P4HTM: variants seen among roughly 807,000 people sequenced by gnomAD.
The protein encoded by P4HTM is transmembrane prolyl 4-hydroxylase.
Under a neutral mutation model 55.3 loss-of-function variants are expected in P4HTM, and 33 were observed. The ratio of observed to expected loss-of-function variants is 0.60; its 90% CI spans 0.45 to 0.80. The LOEUF is 0.80. P4HTM is among the 30% of genes least tolerant of loss of function. The probability of loss-of-function intolerance (pLI) is 0.00; values close to 1 mark genes in which losing one functional copy is unlikely to be tolerated. For synonymous variants in P4HTM, 272 were observed against 286.4 expected (o/e 0.95, Z 0.51); for missense variants, 542 against 696.5 (o/e 0.78, Z 2.50).
At position 49,002,476 on chromosome 3, in the gene P4HTM, C is replaced by A; in HGVS notation, c.628-24C>A. 2 of 1,553,114 alleles carry A rather than the reference C, an allele frequency of 1.3e-6. No individual in the cohort carries two copies. Among genetic ancestry groups the A allele is most frequent in the Non-Finnish European group, 1.8e-6 (2 of 1,124,610 alleles). ...GGCTCTCCATCACTGGGGTCACCCACTGAGGGACCCTCTTATGCTTTAGGT... is the reference window on the plus strand; with the variant it reads ...GGCTCTCCATCACTGGGGTCACCCAATGAGGGACCCTCTTATGCTTTAGGT... On this transcript the variant is annotated intron_variant, in intron 3 of 8. Coordinates refer to ENST00000383729, the MANE Select transcript of P4HTM (RefSeq NM_177939.3). This position sits in a 1 kb window ranked among gnomAD's most constrained non-coding sequence, Gnocchi z 4.4.
intron 2 of P4HTM, among the ~76,000 whole-genome samples, chr3:49,000,839 GGA>G (rs2092958902): frequency 6.6e-6 from 1 of 152,166 alleles, no homozygotes; most frequent in African/African-American, 2.4e-5. Flanking sequence ...AGGACACCTG[GGA>G]CATCTTTTCA....
chr3:49,000,515 A>G (rs1056157674), intron 2 of P4HTM, among the ~76,000 whole-genome samples: 22 of 152,222 alleles, frequency 1.4e-4, no homozygotes, highest in Non-Finnish European at 7.3e-5. Context: ...CGCAGGTAGC[A>G]GTGCTGCCCT....
intron 4 of P4HTM, chr3:49,003,847 C>T: frequency 2.2e-6 from 1 of 458,326 alleles, no homozygotes. Context: ...GGGTGGGCCT[C>T]TTTCTTCTTA....
intron 2 of P4HTM, among the ~76,000 whole-genome samples, chr3:48,993,892 GA>G (rs941786599): frequency 6.8e-6 from 1 of 146,734 alleles, no homozygotes; most frequent in African/African-American, 2.5e-5. Context: ...CATAGAATGA[GA>G]AACCCAGATC....
chr3:49,006,637 C>A, intron 8 of P4HTM, 50 bp from the exon 9 acceptor site: 1 of 1,544,984 alleles, frequency 6.5e-7, no homozygotes, highest in Non-Finnish European at 8.9e-7. Context: ...CCTATGAGGC[C>A]AAGCTCTGGC....
intron 2 of P4HTM, among the ~76,000 whole-genome samples, chr3:48,996,882 A>G (rs1194541205): frequency 6.6e-6 from 1 of 152,198 alleles, no homozygotes; most frequent in African/African-American, 2.4e-5. Context: ...GCATGTGGGC[A>G]GTAGTAGCAG....
chr3:49,004,306 G>A (rs1420659491), intron 5 of P4HTM, 46 bp downstream of exon 5: 5 of 1,501,004 alleles, frequency 3.3e-6, no homozygotes, highest in Non-Finnish European at 4.5e-6. Context: ...GAGAAGACTG[G>A]GCAGGGCCTC....
intron 2 of P4HTM, among the ~76,000 whole-genome samples, chr3:48,993,776 TG>T (rs2092937706): frequency 6.8e-6 from 1 of 147,452 alleles, no homozygotes; most frequent in Non-Finnish European, 1.5e-5. Flanking sequence ...GCAGGAGAAT[TG>T]CTTGAACCCG....
intron 7 of P4HTM, 72 bp downstream of exon 7, chr3:49,005,939 G>A: frequency 6.5e-7 from 1 of 1,538,098 alleles, no homozygotes; most frequent in South Asian, 1.2e-5. Context: ...CACCTCTCCA[G>A]GTCTAAGGAT....
chr3:48,990,333 C>T lies in P4HTM; in HGVS notation c.77C>T (p.Pro26Leu). Residue 26 changes from proline to leucine, a missense_variant, in exon 1 of 9, where the codon CCG (proline) becomes CTG (leucine). By Grantham distance (98) the Pro-to-Leu change is moderately conservative (BLOSUM62 -3). Transcript: ENST00000383729. The surrounding 1 kb of genome is among the most constrained non-coding windows in gnomAD (Gnocchi z 7.2). ...AEEASRPQWA[P>L]PDHCQAQAAA... Reference sequence around the variant, plus strand: ...GAGGCCTCGAGGCCGCAGTGGGCGCCGCCAGACCACTGCCAGGCTCAGGCG... The same window carrying T: ...GAGGCCTCGAGGCCGCAGTGGGCGCTGCCAGACCACTGCCAGGCTCAGGCG... The T allele has an allele frequency of 6.7e-7, 1 of 1,498,510 alleles. No individual in the cohort carries two copies. The highest frequency in any genetic ancestry group is 8.8e-7 in the Non-Finnish European group (1 of 1,130,280). 92.8% of individuals were successfully genotyped at this position (1,498,510 alleles called of 1,614,324 possible). A position where few individuals can be genotyped will look rare whatever the true frequency, so the allele number is the denominator to read the frequency against.
At chr3:49,005,251 G>T in intron 6 of P4HTM, 7 of 1,508,568 alleles carry the variant, frequency 4.6e-6, no homozygotes, top group Non-Finnish European at 6.2e-6. Flanking sequence ...CGTGACCACT[G>T]GAGTCAACAC....
chr3:48,994,893 G>A (rs181768977), intron 2 of P4HTM, among the ~76,000 whole-genome samples: 5 of 152,098 alleles, frequency 3.3e-5, no homozygotes, highest in East Asian at 1.9e-4. Flanking sequence ...TCCGCCTCCC[G>A]GGTTCAAGTG....
At chr3:48,995,215 A>G (rs1246891343) in intron 2 of P4HTM, among the ~76,000 whole-genome samples, 2 of 151,538 alleles carry the variant, frequency 1.3e-5, no homozygotes, top group Admixed American at 6.6e-5. Flanking sequence ...CCCCGACTCC[A>G]TTTACTCCCT....
At chr3:49,005,534 C>T in intron 6 of P4HTM, 1 of 1,357,016 alleles carries the variant, frequency 7.4e-7, no homozygotes, top group Non-Finnish European at 9.4e-7. Flanking sequence ...TGCTCAGGGC[C>T]ATGGCATTTA....
chr3:49,004,290 C>A, intron 5 of P4HTM, 30 bp downstream of exon 5: 1 of 1,528,732 alleles, frequency 6.5e-7, no homozygotes, highest in African/African-American at 1.4e-5. Flanking sequence ...CTCACTGGAG[C>A]AGGGGGAGAA....
intron 3 of P4HTM, 70 bp downstream of exon 3, chr3:49,001,698 A>C: frequency 7.3e-7 from 1 of 1,378,668 alleles, no homozygotes; most frequent in South Asian, 1.3e-5. Context: ...TGGCCAGGTC[A>C]CTTGTCCAGC....
In P4HTM at chr3:48,990,286, G is replaced by T; in HGVS notation, c.30G>T (p.Arg10=). 1.5e-6 allele frequency: 2 copies of T among 1,317,006 alleles called. No individual in the cohort carries two copies. Among genetic ancestry groups the T allele is most frequent in the Non-Finnish European group, 1.9e-6 (2 of 1,037,838 alleles). The allele number at this position is 1,317,006 out of a possible 1,614,324, so 81.6% of individuals were successfully genotyped here. A position where few individuals can be genotyped will look rare whatever the true frequency, so the allele number is the denominator to read the frequency against. The change falls in exon 1 of 9, where the codon CGG becomes CGT. Residue 10 remains arginine, a synonymous_variant. Transcript: ENST00000383729. The surrounding 1 kb of genome is among the most constrained non-coding windows in gnomAD (Gnocchi z 7.2). ...CGGCAGCGGCGGTGACAGGCCAGCGGCCTGAGACCGCGGCGGCCGAGGAGG... is the reference window on the plus strand; with the variant it reads ...CGGCAGCGGCGGTGACAGGCCAGCGTCCTGAGACCGCGGCGGCCGAGGAGG... The part of the protein sequence containing the change: MAAAAVTGQ[R]PETAAAEEAS...
At position 49,005,820 on chromosome 3, in the gene P4HTM, G is replaced by A; in HGVS notation, c.1117G>A (p.Gly373Ser). 1 of 1,585,446 alleles carries A rather than the reference G, an allele frequency of 6.3e-7. No individual in the cohort carries two copies. The highest frequency in any genetic ancestry group is 8.6e-7 in the Non-Finnish European group (1 of 1,167,026). Residue 373 changes from glycine (G) to serine (S), a missense_variant, in exon 7 of 9, where the codon GGC becomes AGC. Gly to Ser is a moderately conservative substitution (Grantham distance 56). Transcript: ENST00000383729. Reference protein sequence around the residue: ...LFYLNNVTGGGETVFPVADNR... With the variant: ...LFYLNNVTGGSETVFPVADNR... ...TTATTTGAACAACGTCACTGGTGGG[G>A]GCGAGACTGTTTTCCCTGTAGCAGA... is the stretch of plus-strand genomic sequence containing the variant.
chr3:48,993,121 A>G (rs1002956869), intron 2 of P4HTM, among the ~76,000 whole-genome samples: 5 of 152,012 alleles, frequency 3.3e-5, no homozygotes, highest in Admixed American at 6.5e-5. Flanking sequence ...CCTGACCAAC[A>G]TGGGGGAACC....
Sources: gnomAD v4.1 joint callset for allele counts (sites outside exome capture counted in the v4.1 genomes callset) on GRCh38, gnomAD v4.1.1 for gene constraint, Gnocchi (gnomAD v3.1) non-coding constraint, MANE v1.5 for transcripts, NCBI Gene and HGNC (gene_info 2026-07-23, HGNC 2026-07-21) for gene names.